CNOT10: variants seen among roughly 807,000 people sequenced by gnomAD.
CNOT10 encodes the protein CCR4-NOT transcription complex subunit 10, also known as CCR4-NOT transcription complex, subunit 10.
CNOT10 carries 30 observed loss-of-function variants against 94.6 expected under a neutral mutation model. The ratio of observed to expected loss-of-function variants is 0.32; its 90% CI spans 0.24 to 0.43. The LOEUF (loss-of-function observed/expected upper bound fraction) is 0.43. Ranked by LOEUF, CNOT10 falls within the 20% of genes least tolerant of loss-of-function variation. CNOT10 has a pLI of 1.00. For missense variants in CNOT10, 759 were observed against 877.2 expected (o/e 0.87, Z 1.70); for synonymous variants, 289 against 301.6 (o/e 0.96, Z 0.43).
chr3:32,700,204 G>C (rs1019661553), intron 1 of CNOT10, among the ~76,000 whole-genome samples: 7 of 152,056 alleles, frequency 4.6e-5, no homozygotes, highest in African/African-American at 1.4e-4. Context: ...TTGAACTCCT[G>C]ACCTCAGGTG....
chr3:32,706,464 CT>C (rs1697628814), intron 3 of CNOT10, among the ~76,000 whole-genome samples: 1 of 152,154 alleles, frequency 6.6e-6, no homozygotes, highest in South Asian at 2.1e-4. Flanking sequence ...AGTGTTTGTA[CT>C]TGTGGTTACT....
intron 7 of CNOT10, among the ~76,000 whole-genome samples, chr3:32,719,133 C>T (rs1217496549): frequency 6.6e-6 from 1 of 152,186 alleles, no homozygotes; most frequent in Non-Finnish European, 1.5e-5. Context: ...CCTGTAATCC[C>T]AGCCACTGAG....
chr3:32,685,362 G>A lies in CNOT10; in HGVS notation c.-99G>A. On this transcript the variant is annotated 5_prime_UTR_variant, in exon 1 of 19. Coordinates refer to ENST00000328834, the MANE Select transcript of CNOT10 (RefSeq NM_015442.3). Reference sequence around the variant, plus strand: ...ACCTGGGGGCCCGGAGCCGGGGTAGGCACAGAGTTGTCCTCGGAGGTCCAG... The same window carrying A: ...ACCTGGGGGCCCGGAGCCGGGGTAGACACAGAGTTGTCCTCGGAGGTCCAG... 1.4e-6 allele frequency: 2 copies of A among 1,418,786 alleles called. No homozygotes were observed. Among genetic ancestry groups the A allele is most frequent in the Non-Finnish European group, 9.7e-7 (1 of 1,029,266 alleles). 87.9% of individuals were successfully genotyped at this position (1,418,786 alleles called of 1,614,324 possible).
chr3:32,736,321 A>G (rs1363203851), intron 12 of CNOT10, among the ~76,000 whole-genome samples: 1 of 152,012 alleles, frequency 6.6e-6, no homozygotes, highest in Admixed American at 6.6e-5. Context: ...TCCTTACCTC[A>G]AGTGATCCTC....
intron 4 of CNOT10, among the ~76,000 whole-genome samples, chr3:32,711,359 C>T (rs779117426): frequency 5.3e-5 from 8 of 152,128 alleles, no homozygotes; most frequent in Non-Finnish European, 1.2e-4. Flanking sequence ...ACCTAATACA[C>T]TGTAAATGCT....
Position 32,754,431 on chromosome 3 carries a change from C to G in CNOT10, c.1596-5027C>G, listed in dbSNP as rs1318227695. 3.1e-5 allele frequency among the ~76,000 whole-genome samples: 4 copies of G among 128,156 alleles called. No individual in the cohort carries two copies. In the South Asian group the frequency reaches 1.1e-3, roughly 35 times the overall value. 84.1% of individuals were successfully genotyped at this position (128,156 alleles called of 152,430 possible). A position where few individuals can be genotyped will look rare whatever the true frequency, so the allele number is the denominator to read the frequency against. On this transcript the variant is annotated intron_variant, in intron 13 of 18. Coordinates refer to ENST00000328834, the MANE Select transcript of CNOT10 (RefSeq NM_015442.3). ...GGCGGAGCTTGCAGTGAGCCAAGAT[C>G]GTGCCACTGCACTCCAGCCTGGGCG...
At chr3:32,758,543 A>G (rs988993004) in intron 13 of CNOT10, among the ~76,000 whole-genome samples, 4 of 152,194 alleles carry the variant, frequency 2.6e-5, no homozygotes, top group Non-Finnish European at 4.4e-5. Context: ...TAAAATTACA[A>G]CCTGAATGCA....
chr3:32,767,605 C>T (rs1465747641), intron 17 of CNOT10, among the ~76,000 whole-genome samples: 2 of 150,798 alleles, frequency 1.3e-5, no homozygotes, highest in African/African-American at 4.9e-5. Context: ...AGTGATGATG[C>T]TTTACCATGT....
At chr3:32,752,809 C>G in intron 13 of CNOT10, 1 of 224,600 alleles carries the variant, frequency 4.5e-6, no homozygotes, top group South Asian at 6.5e-5. Flanking sequence ...AACCCCTTCT[C>G]TACTAAAAAT....
chr3:32,708,515 G>A (rs1033664383), intron 3 of CNOT10, among the ~76,000 whole-genome samples, 155 bp from the exon 4 acceptor site: 1 of 152,206 alleles, frequency 6.6e-6, no homozygotes, highest in African/African-American at 2.4e-5. Context: ...TTTTTAGTAT[G>A]TGAGAGTAAT....
chr3:32,695,766 C>T (rs1191672649), intron 1 of CNOT10: 2 of 1,535,688 alleles, frequency 1.3e-6, no homozygotes, highest in Non-Finnish European at 1.7e-6. Flanking sequence ...TTTCAATTGG[C>T]AACGGAGACT....
At chr3:32,721,773 A>G (rs1289701576) in intron 8 of CNOT10, among the ~76,000 whole-genome samples, 1 of 150,732 alleles carries the variant, frequency 6.6e-6, no homozygotes, top group African/African-American at 2.4e-5. Context: ...CAGCCTCCCG[A>G]GTAGCTGAGA....
At chr3:32,727,891 T>A in intron 10 of CNOT10, 21 bp downstream of exon 10, 1 of 1,589,994 alleles carries the variant, frequency 6.3e-7, no homozygotes. Context: ...CTTGGGTATC[T>A]TTTTAAACCC....
intron 1 of CNOT10, among the ~76,000 whole-genome samples, chr3:32,694,584 G>T (rs1696973987): frequency 6.6e-6 from 1 of 151,900 alleles, no homozygotes; most frequent in Admixed American, 6.6e-5. Flanking sequence ...TCTTCTTTCA[G>T]TTTTTTGTTT....
intron 5 of CNOT10, 44 bp downstream of exon 5, chr3:32,713,413 A>T: frequency 6.9e-7 from 1 of 1,453,098 alleles, no homozygotes; most frequent in Non-Finnish European, 9.3e-7. Flanking sequence ...AAATGTGATT[A>T]ATTCTCTCTA....
chr3:32,757,556 T>G lies in CNOT10; in HGVS notation c.1596-1902T>G, dbSNP rs1043869933. ...GTTCATAAGTAGTACATATCTGATA[T>G]GTTGTAGTTACTCAGTATACTTCTT... On this transcript the variant is annotated intron_variant, in intron 13 of 18. Coordinates refer to ENST00000328834, the MANE Select transcript of CNOT10 (RefSeq NM_015442.3). 3.0e-4 allele frequency among the ~76,000 whole-genome samples: 45 copies of G among 152,236 alleles called. 1 individual carries two copies. The highest frequency in any genetic ancestry group is 2.0e-4 in the Admixed American group (3 of 15,276).
intron 4 of CNOT10, among the ~76,000 whole-genome samples, chr3:32,712,866 A>G (rs577295048): frequency 6.6e-6 from 1 of 152,160 alleles, no homozygotes; most frequent in African/African-American, 2.4e-5. Flanking sequence ...TGGATTTTGG[A>G]GGATTACAAA....
rs1015177420 is a variant in CNOT10 at position 32,746,883 on chromosome 3, T to A, written c.1595+9393T>A. Among the ~76,000 whole-genome samples, 9 of 144,618 alleles carry A rather than the reference T, an allele frequency of 6.2e-5. No individual in the cohort carries two copies. The East Asian group carries it at 8.2e-4, about 13-fold the overall frequency. The allele number at this position is 144,618 out of a possible 152,430, so 94.9% of individuals were successfully genotyped here. On this transcript the variant is annotated intron_variant, in intron 13 of 18. Coordinates refer to ENST00000328834, the MANE Select transcript of CNOT10 (RefSeq NM_015442.3). ...GATATGCACTCCTATGAGAATCTAA[T>A]GCTGCTGCTGATCTGACAGGAGGCA... is the stretch of plus-strand genomic sequence containing the variant.
chr3:32,772,988 C>T (rs944062134), intron 18 of CNOT10, among the ~76,000 whole-genome samples: 30 of 152,172 alleles, frequency 2.0e-4, no homozygotes, highest in Admixed American at 1.2e-3. Context: ...GCCTCAGCCC[C>T]CCAAGTAGCT....
Sources: gnomAD v4.1 joint callset for allele counts (sites outside exome capture counted in the v4.1 genomes callset) on GRCh38, gnomAD v4.1.1 for gene constraint, MANE v1.5 for transcripts, NCBI Gene and HGNC (gene_info 2026-07-23, HGNC 2026-07-21) for gene names.